Variants in MRPL46 observed in about 807,000 individuals in gnomAD.
The protein encoded by MRPL46 is large ribosomal subunit protein mL46.
A neutral mutation model predicts 31.0 loss-of-function variants in MRPL46; 26 were observed. The ratio of observed to expected loss-of-function variants is 0.84; its 90% confidence interval spans 0.61 to 1.16. MRPL46 has a LOEUF of 1.16. Among genes scored for constraint, MRPL46 ranks in the 50% most tolerant of loss-of-function variants. MRPL46 has a pLI of 0.00. For missense variants in MRPL46, 395 were observed against 340.0 expected (o/e 1.16, Z -1.27); for synonymous variants, 159 against 141.3 (o/e 1.13, Z -0.89).
chr15:88,465,019 T>A (rs1167019028), intron 2 of MRPL46, 143 bp from the exon 3 acceptor site: 1 of 827,376 alleles, frequency 1.2e-6, no homozygotes, highest in Non-Finnish European at 1.8e-6. Context: ...CCCATCTCTC[T>A]AACTCTGACC....
Position 88,467,310 on chromosome 15 carries a change from C to G in MRPL46, c.68G>C (p.Trp23Ser). 2 of 1,610,898 alleles carry G rather than the reference C, an allele frequency of 1.2e-6. No individual in the cohort carries two copies. The highest frequency in any genetic ancestry group is 1.7e-6 in the Non-Finnish European group (2 of 1,178,760). Residue 23 changes from tryptophan to serine, a missense_variant, in exon 1 of 4, where the codon TGG becomes TCG. Transcript: ENST00000312475. The part of the protein sequence containing the change: ...AGGWRRFERL[W>S]AGSLSSRSLA... ...GCTGCGAGAGCTTAGACTGCCGGCCCAGAGCCTCTCGAACCGCCGCCAACC... is the reference window on the plus strand; with the variant it reads ...GCTGCGAGAGCTTAGACTGCCGGCCGAGAGCCTCTCGAACCGCCGCCAACC...
chr15:88,463,037 T>C lies in MRPL46; in HGVS notation c.589+1666A>G, dbSNP rs1598283884. 6.6e-6 allele frequency: 1 copy of C among 152,228 alleles called. No homozygotes were observed. The highest frequency in any genetic ancestry group is 1.5e-5 in the Non-Finnish European group (1 of 68,042). 9.4% of individuals were successfully genotyped at this position (152,228 alleles called of 1,614,324 possible). On this transcript the variant is annotated intron_variant, in intron 3 of 3. Coordinates refer to ENST00000312475, the MANE Select transcript of MRPL46 (RefSeq NM_022163.4). This position sits in a 1 kb window ranked among gnomAD's most constrained non-coding sequence, Gnocchi z 5.4. Reference sequence around the variant, plus strand: ...CTGAGCAAGGATCAGTTGTGAATGTTTGACGTTAAGAGACGTTGAGCATCT... The same window carrying C: ...CTGAGCAAGGATCAGTTGTGAATGTCTGACGTTAAGAGACGTTGAGCATCT...
intron 2 of MRPL46, 120 bp downstream of exon 2, chr15:88,465,462 CAAAGA>C (rs758953915): frequency 1.0e-5 from 11 of 1,078,636 alleles, no homozygotes; most frequent in South Asian, 1.9e-5. Flanking sequence ...ATGTGAGCAA[CAAAGA>C]AAAGAATATG....
At chr15:88,462,042 C>T (rs2055481889) in intron 3 of MRPL46, 1 of 151,934 alleles carries the variant, frequency 6.6e-6, no homozygotes, top group Non-Finnish European at 1.5e-5. Flanking sequence ...TGAAGAGATA[C>T]AGAAAAACAC....
intron 3 of MRPL46, 160 bp downstream of exon 3, chr15:88,464,543 A>G: frequency 1.4e-6 from 1 of 723,480 alleles, no homozygotes; most frequent in South Asian, 2.0e-5. Context: ...AATAAAAAAA[A>G]TCCTTACCTG....
Position 88,467,162 on chromosome 15 carries a change from A to G in MRPL46, c.216T>C (p.Ser72=). 6.2e-7 allele frequency: 1 copy of G among 1,613,924 alleles called. No individual in the cohort carries two copies. The highest frequency in any genetic ancestry group is 1.7e-4 in the Middle Eastern group (1 of 6,060). The change falls in exon 1 of 4, where the codon TCT becomes TCC. Residue 72 remains serine (S), a synonymous_variant. Coordinates refer to ENST00000312475, the MANE Select transcript of MRPL46 (RefSeq NM_022163.4). ...ATCTCAGTCCCACCTGCTGCAGTAG[A>G]GACGCCATCTCTTCCTGCAATGGGG... ...PLTPLQEEMA[S]LLQQIEIERS... is the part of the protein sequence containing the mutation.
chr15:88,466,682 C>G (rs763856798), intron 1 of MRPL46, among the ~76,000 whole-genome samples: 2 of 152,188 alleles, frequency 1.3e-5, no homozygotes, highest in South Asian at 4.1e-4. Flanking sequence ...CTTTCTGTAG[C>G]GACCTCACAC....
rs1226981048 is a variant in MRPL46, at chr15:88,465,556, T to C, written c.415+31A>G. On this transcript the variant is annotated intron_variant, in intron 2 of 3. Transcript: ENST00000312475. Reference sequence around the variant, plus strand: ...TGGGAATCCAAATACCCCTTTTCCCTTCCTTCTGGCTGGCCTAAAAGGATC... The same window carrying C: ...TGGGAATCCAAATACCCCTTTTCCCCTCCTTCTGGCTGGCCTAAAAGGATC... The C allele has an allele frequency of 2.0e-6, 3 of 1,516,398 alleles. No individual in the cohort carries two copies. The African/African-American group carries it at 4.2e-5, about 21-fold the overall frequency. The allele number at this position is 1,516,398 out of a possible 1,614,324, so 93.9% of individuals were successfully genotyped here.
chr15:88,466,082 CTT>C (rs1306571592), intron 1 of MRPL46, among the ~76,000 whole-genome samples: 6 of 152,194 alleles, frequency 3.9e-5, no homozygotes, highest in African/African-American at 1.2e-4. Flanking sequence ...TCATGTCAGT[CTT>C]TGATCAGAAT....
chr15:88,465,729 A>G lies in MRPL46; in HGVS notation c.273T>C (p.Ala91=). ...TTGCCAGTCGCTGGTTTTCATCCAG[A>G]GCACGAAGCTCGTGGTCTGAATACA... ...RSLYSDHELR[A]LDENQRLAKK... Residue 91 remains alanine, a synonymous_variant, in exon 2 of 4, where the codon GCT becomes GCC. Transcript: ENST00000312475. 1 of 1,613,528 alleles carries G rather than the reference A, an allele frequency of 6.2e-7. No individual in the cohort carries two copies. Among genetic ancestry groups the G allele is most frequent in the Non-Finnish European group, 8.5e-7 (1 of 1,179,932 alleles).
chr15:88,460,084 G>A (rs2055463713), intron 3 of MRPL46: 1 of 571,186 alleles, frequency 1.8e-6, no homozygotes, highest in South Asian at 2.1e-5. Flanking sequence ...TCACTCCCAT[G>A]TGCCAAGCTA....
chr15:88,464,417 TAAG>T (rs1317827393), intron 3 of MRPL46: 2 of 364,734 alleles, frequency 5.5e-6, no homozygotes, highest in Non-Finnish European at 5.0e-6. Context: ...GCTGCAAAGA[TAAG>T]AAGACAAGCA....
At chr15:88,465,046 C>G in intron 2 of MRPL46, 170 bp from the exon 3 acceptor site, 1 of 609,806 alleles carries the variant, frequency 1.6e-6, no homozygotes, top group Non-Finnish European at 2.6e-6. Context: ...AGGGAAGAGT[C>G]TCACAATCTT....
At position 88,459,679 on chromosome 15, in the gene MRPL46, A is replaced by G. The variant is rs1302757265; in HGVS notation, c.774T>C (p.Asp258=). 1 of 1,613,866 alleles carries G rather than the reference A, an allele frequency of 6.2e-7. No individual in the cohort carries two copies. The highest frequency in any genetic ancestry group is 8.5e-7 in the Non-Finnish European group (1 of 1,179,752). ...NKGHHVWVTK[D]ELGDYLKPKY... ...TTGGTTTCAAATAGTCACCCAGCTC[A>G]TCCTTAGTGACCCACACATGATGGC... Residue 258 remains aspartate, a synonymous_variant, in exon 4 of 4, where the codon GAT becomes GAC. Transcript: ENST00000312475.
chr15:88,465,437 G>T, intron 2 of MRPL46, 150 bp downstream of exon 2: 1 of 793,996 alleles, frequency 1.3e-6, no homozygotes, highest in Non-Finnish European at 1.8e-6. Context: ...GACTTTTTAA[G>T]TCGTATTATG....
At chr15:88,462,755 C>T (rs891851983) in intron 3 of MRPL46, 4 of 152,176 alleles carry the variant, frequency 2.6e-5, no homozygotes, top group African/African-American at 7.2e-5. Flanking sequence ...AGGAAAGGAG[C>T]GCACTTTCAC....
chr15:88,464,283 AAG>A (rs1439145463), intron 3 of MRPL46: 2 of 167,858 alleles, frequency 1.2e-5, no homozygotes, highest in African/African-American at 4.8e-5. Flanking sequence ...TGTTAGAACA[AAG>A]AGGGGACTAT....
Position 88,459,514 on chromosome 15 carries a change from G to A in MRPL46, c.*99C>T, listed in dbSNP as rs959397851. On this transcript the variant is annotated 3_prime_UTR_variant, in exon 4 of 4. Transcript: ENST00000312475. Reference sequence around the variant, plus strand: ...TCGTTTATTTCTCAGAATTTAGTTTGCTGCTTGATATTACCTGCAAATGTG... The same window carrying A: ...TCGTTTATTTCTCAGAATTTAGTTTACTGCTTGATATTACCTGCAAATGTG... The A allele has an allele frequency of 9.9e-6, 15 of 1,519,050 alleles. No individual in the cohort carries two copies. The highest frequency in any genetic ancestry group is 1.4e-5 in the African/African-American group (1 of 72,388). The allele number at this position is 1,519,050 out of a possible 1,614,324, so 94.1% of individuals were successfully genotyped here. A position where few individuals can be genotyped will look rare whatever the true frequency, so the allele number is the denominator to read the frequency against.
At chr15:88,466,158 T>C (rs752502709) in intron 1 of MRPL46, among the ~76,000 whole-genome samples, 8 of 152,212 alleles carry the variant, frequency 5.3e-5, no homozygotes, top group Non-Finnish European at 8.8e-5. Flanking sequence ...TCCTAGAATG[T>C]TTTTCCTCAC....
Sources: allele counts gnomAD v4.1 joint callset (sites outside exome capture counted in the v4.1 genomes callset), GRCh38; gene constraint gnomAD v4.1.1; non-coding constraint Gnocchi (gnomAD v3.1); transcripts MANE v1.5; gene names NCBI Gene and HGNC (gene_info 2026-07-23, HGNC 2026-07-21).